CMIP: variants seen among roughly 807,000 people sequenced by gnomAD.
The protein encoded by CMIP is c-Maf inducing protein.
CMIP carries 13 observed loss-of-function variants against 97.3 expected under a neutral mutation model. That is an observed-to-expected ratio of 0.13 (90% CI 0.09 to 0.21). CMIP has a LOEUF of 0.21. Among genes scored for constraint, CMIP ranks in the 10% least tolerant of loss-of-function variants. The pLI is 1.00. For missense variants in CMIP, 847 were observed against 1,024.9 expected (o/e 0.83, Z 2.37); for synonymous variants, 538 against 436.3 (o/e 1.23, Z -2.91).
At position 81,627,629 on chromosome 16, in the gene CMIP, C is replaced by CT. The variant is rs1297691071; in HGVS notation, c.477+6704dup. Among the ~76,000 whole-genome samples the CT allele has an allele frequency of 6.8e-5, 7 of 103,036 alleles. No individual in the cohort carries two copies. The highest frequency in any genetic ancestry group is 2.0e-4 in the African/African-American group (7 of 35,876). 67.6% of individuals were successfully genotyped at this position (103,036 alleles called of 152,430 possible). On this transcript the variant is annotated intron_variant, in intron 3 of 20. Coordinates refer to ENST00000537098, the MANE Select transcript of CMIP (RefSeq NM_198390.3). The surrounding 1 kb of genome is among the most constrained non-coding windows in gnomAD (Gnocchi z 4.6). The stretch of plus-strand genomic sequence containing the variant: ...CACGGAGTGTCCCCTGTGTCCAGCA[C>CT]TATGTGCCCCTGTGCTCCTGAGTCC...
chr16:81,708,484 G>A lies in CMIP; in HGVS notation c.2269-1262G>A, dbSNP rs186434927. On this transcript the variant is annotated intron_variant, in intron 20 of 20. Transcript: ENST00000537098. ...AGAGAACATGGGGAGTGCAGGAAAG[G>A]CCCCTTGGGAAGAAAAATCACTTTC... Among the ~76,000 whole-genome samples the A allele has an allele frequency of 3.3e-4, 50 of 152,370 alleles. 1 individual carries two copies. Among genetic ancestry groups the A allele is most frequent in the African/African-American group, 1.1e-3 (44 of 41,582 alleles).
At chr16:81,671,571 C>T (rs1436307154) in intron 8 of CMIP, among the ~76,000 whole-genome samples, 2 of 152,200 alleles carry the variant, frequency 1.3e-5, no homozygotes, top group African/African-American at 4.8e-5. Flanking sequence ...TGTCCCAGGA[C>T]GTATGGCCAC....
intron 1 of CMIP, among the ~76,000 whole-genome samples, chr16:81,526,808 T>C (rs28404001): frequency 0.053 from 8,082 of 152,206 alleles, 252 homozygotes; most frequent in Middle Eastern, 0.085. Context: ...TTGCGTTTGG[T>C]TTCTGGGCAG....
intron 1 of CMIP, among the ~76,000 whole-genome samples, chr16:81,567,702 A>T (rs183804225): frequency 1.3e-5 from 2 of 152,216 alleles, no homozygotes; most frequent in African/African-American, 4.8e-5. Context: ...CTGCCTCTCC[A>T]TGCGCTGCTC....
At chr16:81,682,633 G>C (rs1904986817) in intron 10 of CMIP, among the ~76,000 whole-genome samples, 1 of 152,224 alleles carries the variant, frequency 6.6e-6, no homozygotes, top group African/African-American at 2.4e-5. Flanking sequence ...GCCAGGCGGG[G>C]CTCAGGAAGG....
chr16:81,639,131 G>T, intron 3 of CMIP, among the ~76,000 whole-genome samples: 1 of 152,170 alleles, frequency 6.6e-6, no homozygotes, highest in East Asian at 1.9e-4. Flanking sequence ...GTTCCTACAG[G>T]GCCGGCTGTG....
In CMIP at chr16:81,652,725, G is replaced by A. The variant is rs1213489363; in HGVS notation, c.639+361G>A. On this transcript the variant is annotated intron_variant, in intron 4 of 20. Coordinates refer to ENST00000537098, the MANE Select transcript of CMIP (RefSeq NM_198390.3). This position sits in a 1 kb window ranked among gnomAD's most constrained non-coding sequence, Gnocchi z 5.2. ...CCCTCGTCACCCCACAAAGCCTGTAGATGTGCTCTGTTTAATTTAAACACC... is the reference window on the plus strand; with the variant it reads ...CCCTCGTCACCCCACAAAGCCTGTAAATGTGCTCTGTTTAATTTAAACACC... 2.6e-5 allele frequency among the ~76,000 whole-genome samples: 4 copies of A among 152,222 alleles called. No individual in the cohort carries two copies. Among genetic ancestry groups the A allele is most frequent in the African/African-American group, 9.6e-5 (4 of 41,458 alleles).
At chr16:81,521,595 A>G (rs1192141138) in intron 1 of CMIP, among the ~76,000 whole-genome samples, 1 of 152,026 alleles carries the variant, frequency 6.6e-6, no homozygotes, top group Non-Finnish European at 1.5e-5. Flanking sequence ...CACACTCTGA[A>G]CCTAGCAGGT....
chr16:81,660,637 T>A (rs1233314816), intron 5 of CMIP, among the ~76,000 whole-genome samples: 2 of 152,160 alleles, frequency 1.3e-5, no homozygotes, highest in Non-Finnish European at 2.9e-5. Flanking sequence ...TTTCATCCCA[T>A]CCCAGTGCCC....
intron 1 of CMIP, among the ~76,000 whole-genome samples, chr16:81,510,540 C>G (rs756071579): frequency 1.3e-5 from 2 of 152,106 alleles, no homozygotes; most frequent in Non-Finnish European, 2.9e-5. Flanking sequence ...TGCACAAAGT[C>G]ACACAACCAG....
chr16:81,667,799 A>AGAGAGAGAGTGTGTGTGT, intron 7 of CMIP, among the ~76,000 whole-genome samples: 52 of 58,126 alleles, frequency 8.9e-4, no homozygotes, highest in Non-Finnish European at 1.4e-3. Context: ...AGAGAGAGAG[A>AGAGAGAGAGTGTGTGTGT]GTGTGTGTGT....
intron 3 of CMIP, among the ~76,000 whole-genome samples, chr16:81,633,189 G>C (rs964854080): frequency 4.6e-5 from 7 of 152,230 alleles, no homozygotes; most frequent in Admixed American, 4.6e-4. Flanking sequence ...GAGAGGCAGC[G>C]TCTTGATGAG....
chr16:81,494,750 C>A (rs1374337353), intron 1 of CMIP, among the ~76,000 whole-genome samples: 1 of 152,222 alleles, frequency 6.6e-6, no homozygotes, highest in African/African-American at 2.4e-5. Flanking sequence ...GGACACTGCC[C>A]AGGTGCCCCT....
intron 1 of CMIP, among the ~76,000 whole-genome samples, chr16:81,546,005 G>T (rs2090539742): frequency 6.6e-6 from 1 of 152,172 alleles, no homozygotes; most frequent in Non-Finnish European, 1.5e-5. Flanking sequence ...GGGGCGGTGG[G>T]TGGGGAAAAC....
At chr16:81,657,889 G>T in intron 5 of CMIP, 73 bp downstream of exon 5, 1 of 1,304,662 alleles carries the variant, frequency 7.7e-7, no homozygotes, top group Middle Eastern at 1.9e-4. Flanking sequence ...TCCTGGTTTG[G>T]GGTAATTCTG....
intron 1 of CMIP, among the ~76,000 whole-genome samples, chr16:81,565,487 A>G (rs1458644675): frequency 6.6e-6 from 1 of 152,188 alleles, no homozygotes; most frequent in Non-Finnish European, 1.5e-5. Context: ...TGCAGACTGC[A>G]GCTCAGCATT....
At chr16:81,594,330 G>A (rs930142831) in intron 1 of CMIP, among the ~76,000 whole-genome samples, 7 of 151,444 alleles carry the variant, frequency 4.6e-5, no homozygotes, top group African/African-American at 9.7e-5. Flanking sequence ...TGTTGTCCAG[G>A]CTGGTCTTGA....
intron 1 of CMIP, among the ~76,000 whole-genome samples, chr16:81,569,796 C>A (rs1440432199): frequency 6.6e-6 from 1 of 152,220 alleles, no homozygotes; most frequent in Non-Finnish European, 1.5e-5. Flanking sequence ...TGGTGTCAAC[C>A]TCTCTGAGAC....
Position 81,512,047 on chromosome 16 carries a change from T to C in CMIP, c.300+66506T>C, listed in dbSNP as rs547227872. ...ACTCATTTTTTGTATTGATTATATGTTGAAGTGATAATATATTTGATATAT... is the reference window on the plus strand; with the variant it reads ...ACTCATTTTTTGTATTGATTATATGCTGAAGTGATAATATATTTGATATAT... On this transcript the variant is annotated intron_variant, in intron 1 of 20. Transcript: ENST00000537098. Among the ~76,000 whole-genome samples, 11 of 152,362 alleles carry C rather than the reference T, an allele frequency of 7.2e-5. No individual in the cohort carries two copies. The South Asian group carries it at 1.4e-3, about 20-fold the overall frequency.
Sources: gnomAD v4.1 joint callset for allele counts (sites outside exome capture counted in the v4.1 genomes callset) on GRCh38, gnomAD v4.1.1 for gene constraint, Gnocchi (gnomAD v3.1) non-coding constraint, MANE v1.5 for transcripts, NCBI Gene and HGNC (gene_info 2026-07-23, HGNC 2026-07-21) for gene names.